Variants in MTCL2 observed in about 807,000 individuals in gnomAD.
MTCL2 encodes the protein microtubule crosslinking factor 2, also known as microtubule cross-linking factor 2.
chr20:36,837,779 G>T, the MTCL2 span, among the ~76,000 whole-genome samples: 3 of 151,864 alleles, frequency 2.0e-5, no homozygotes, highest in Non-Finnish European at 4.4e-5. Flanking sequence ...GTTTCACCAT[G>T]TTGGCCAGGC....
chr20:36,804,732 C>T, the MTCL2 span: 1 of 1,612,594 alleles, frequency 6.2e-7, no homozygotes, highest in Admixed American at 1.7e-5. Flanking sequence ...GTGGGGGGCT[C>T]ACCTGGGAGG....
At chr20:36,829,069 C>T in the MTCL2 span, 5 of 1,552,338 alleles carry the variant, frequency 3.2e-6, no homozygotes, top group Non-Finnish European at 4.4e-6. Flanking sequence ...TCGGTCGCTC[C>T]AGCTCCGTCT....
At chr20:36,805,048 T>A in the MTCL2 span, 1 of 872,008 alleles carries the variant, frequency 1.1e-6, no homozygotes, top group Non-Finnish European at 1.7e-6. Context: ...ATCTCACCCA[T>A]AAAATGGGAA....
At chr20:36,834,079 C>G in the MTCL2 span, among the ~76,000 whole-genome samples, 1 of 150,998 alleles carries the variant, frequency 6.6e-6, no homozygotes, top group Non-Finnish European at 1.5e-5. Flanking sequence ...AGGAGAATTG[C>G]TTGAACCCGG....
the MTCL2 span, among the ~76,000 whole-genome samples, chr20:36,804,020 G>GT: frequency 6.6e-6 from 1 of 151,272 alleles, no homozygotes; most frequent in Non-Finnish European, 1.5e-5. Flanking sequence ...GGGGTTAGAG[G>GT]TTTGGGGGAG....
the MTCL2 span, chr20:36,808,632 C>T: frequency 3.7e-6 from 6 of 1,612,534 alleles, no homozygotes; most frequent in Non-Finnish European, 5.1e-6. Context: ...GACTCCTGCA[C>T]CAGCATGTTC....
At chr20:36,835,754 G>A in the MTCL2 span, among the ~76,000 whole-genome samples, 1 of 152,152 alleles carries the variant, frequency 6.6e-6, no homozygotes, top group African/African-American at 2.4e-5. Flanking sequence ...GGAAGGGCAA[G>A]AGGGATGCTG....
At chr20:36,804,349 C>G in the MTCL2 span, among the ~76,000 whole-genome samples, 2 of 152,190 alleles carry the variant, frequency 1.3e-5, no homozygotes, top group African/African-American at 4.8e-5. Context: ...CCTTTGGGGG[C>G]ACGCTGGGGA....
chr20:36,816,367 C>T, the MTCL2 span: 1 of 1,427,708 alleles, frequency 7.0e-7, no homozygotes, highest in Non-Finnish European at 9.4e-7. Flanking sequence ...TCAGTACCAG[C>T]CATGGCATTT....
the MTCL2 span, among the ~76,000 whole-genome samples, chr20:36,797,271 T>A: frequency 6.6e-6 from 1 of 151,754 alleles, no homozygotes; most frequent in African/African-American, 2.4e-5. Flanking sequence ...CTTGTCTTCT[T>A]CCTCCTCAAC....
chr20:36,803,022 T>G, the MTCL2 span: 1 of 1,602,684 alleles, frequency 6.2e-7, no homozygotes, highest in Non-Finnish European at 8.5e-7. Context: ...TAGGAGGTGC[T>G]GCTGCTCCTC....
At chr20:36,812,626 T>A in the MTCL2 span, 12 of 1,561,608 alleles carry the variant, frequency 7.7e-6, no homozygotes, top group Non-Finnish European at 1.0e-5. Flanking sequence ...CTAAGTGATA[T>A]ATGGACCACT....
the MTCL2 span, among the ~76,000 whole-genome samples, chr20:36,857,525 G>A: frequency 1.3e-5 from 2 of 152,142 alleles, no homozygotes; most frequent in South Asian, 2.1e-4. Context: ...AACAGTATAT[G>A]TGCATTTGTA....
chr20:36,843,412 A>G, the MTCL2 span, among the ~76,000 whole-genome samples: 1 of 152,132 alleles, frequency 6.6e-6, no homozygotes, highest in East Asian at 1.9e-4. Context: ...GCTGCAGAGA[A>G]CAGTCACTTT....
At chr20:36,852,297 G>A in the MTCL2 span, among the ~76,000 whole-genome samples, 3 of 142,080 alleles carry the variant, frequency 2.1e-5, no homozygotes, top group East Asian at 3.9e-4. Context: ...TGGGCCACTC[G>A]TCTCCTGCCC....
chr20:36,804,884 T>C, the MTCL2 span: 32 of 1,613,472 alleles, frequency 2.0e-5, no homozygotes, highest in Non-Finnish European at 2.5e-5. Context: ...TCGGCCAGTG[T>C]CTTGATGTAC....
At chr20:36,805,233 G>A in the MTCL2 span, among the ~76,000 whole-genome samples, 1 of 152,156 alleles carries the variant, frequency 6.6e-6, no homozygotes, top group African/African-American at 2.4e-5. Context: ...CTCAGGATCT[G>A]CCTCTCTGAC....
At chr20:36,829,081 C>T in the MTCL2 span, 5 of 1,556,132 alleles carry the variant, frequency 3.2e-6, no homozygotes, top group South Asian at 2.4e-5. Flanking sequence ...GCTCCGTCTG[C>T]AGCACCTGCT....
At chr20:36,792,845 T>TAGAC in the MTCL2 span, among the ~76,000 whole-genome samples, 6 of 145,564 alleles carry the variant, frequency 4.1e-5, no homozygotes, top group Non-Finnish European at 8.9e-5. Flanking sequence ...TATAGATAGA[T>TAGAC]AGATAGATAG....
Sources: gnomAD v4.1 joint callset for allele counts (sites outside exome capture counted in the v4.1 genomes callset) on GRCh38, gnomAD v4.1.1 for gene constraint, MANE v1.5 for transcripts, NCBI Gene and HGNC (gene_info 2026-07-23, HGNC 2026-07-21) for gene names.